The following DMD variants were observed in gnomAD, a reference collection of about 807,000 sequenced individuals.
The protein encoded by DMD is mutant dystrophin.
In DMD, 63 loss-of-function variants were observed where a neutral mutation model predicts 330.1. The observed-to-expected ratio is 0.19, with a 90% CI of 0.16 to 0.24. The LOEUF is 0.24. DMD is among the 10% of genes least tolerant of loss of function. The pLI, the probability that DMD is intolerant of heterozygous loss-of-function variation, is 1.00. For synonymous variants in DMD, 1,223 were observed against 959.8 expected (o/e 1.27, Z -5.07); for missense variants, 3,344 against 2,684.1 (o/e 1.25, Z -5.43).
chrX:32,425,101 T>A (rs916646595), intron 29 of DMD, among the ~76,000 whole-genome samples: 3 of 111,623 alleles, frequency 2.7e-5, no homozygotes, highest in Non-Finnish European at 5.7e-5. Flanking sequence ...TACTACTGAG[T>A]CCACGATATT....
At chrX:32,040,971 G>A (rs1008229076) in intron 44 of DMD, among the ~76,000 whole-genome samples, 1 of 111,255 alleles carries the variant, frequency 9.0e-6, no homozygotes, top group African/African-American at 3.3e-5. Flanking sequence ...AAGGCCATAC[G>A]TGCTTCATGA....
chrX:32,003,170 A>G (rs868040630), intron 44 of DMD, among the ~76,000 whole-genome samples: 2 of 112,067 alleles, frequency 1.8e-5, no homozygotes, highest in Non-Finnish European at 3.8e-5. Flanking sequence ...AGTTAAATTT[A>G]AGAAATGGAA....
rs748309027 is a variant in DMD, at chrX:31,729,689, G to A, written c.7602C>T (p.Ala2534=). The stretch of plus-strand genomic sequence containing the variant: ...TGCTGGTCTTGTTTTTCAAATTTTG[G>A]GCAGCGGTAATGAGTTCTTCCAACT... ...RPQLEELITA[A]QNLKNKTSNQ... is the part of the protein sequence containing the mutation. Residue 2534 remains alanine (A), a synonymous_variant, in exon 52 of 79, where the codon GCC becomes GCT. Transcript: ENST00000357033. The A allele has an allele frequency of 1.7e-5, 21 of 1,209,458 alleles. No individual in the cohort carries two copies. The highest frequency in any genetic ancestry group is 2.2e-5 in the Non-Finnish European group (20 of 895,121).
chrX:32,074,802 A>T (rs1304302507), intron 44 of DMD, among the ~76,000 whole-genome samples: 1 of 109,245 alleles, frequency 9.2e-6, no homozygotes, highest in Non-Finnish European at 1.9e-5. Context: ...TTGCAATCAG[A>T]TTCCAGATGG....
intron 49 of DMD, among the ~76,000 whole-genome samples, chrX:31,825,021 A>G (rs2149445089): frequency 8.9e-6 from 1 of 112,067 alleles, no homozygotes; most frequent in Admixed American, 9.5e-5. Context: ...GCCTCTGATT[A>G]GTCAGGAAAA....
intron 1 of DMD, among the ~76,000 whole-genome samples, chrX:33,086,853 G>T (rs1029567113): frequency 9.2e-6 from 1 of 108,512 alleles, no homozygotes; most frequent in Non-Finnish European, 1.9e-5. Flanking sequence ...AAAGGAAGGG[G>T]GTTTTGTTTG....
At chrX:32,149,689 T>C (rs150030138) in intron 44 of DMD, among the ~76,000 whole-genome samples, 73 of 111,902 alleles carry the variant, frequency 6.5e-4, no homozygotes, top group Middle Eastern at 4.7e-3. Flanking sequence ...TGGTCTTATA[T>C]TGGCCATCTA....
Position 31,939,419 on chromosome X carries a change from T to A in DMD, c.6615-7192A>T, listed in dbSNP as rs185620173. ...AAATGATTAGCAACTTTTGAGTAGA[T>A]GTGGAAAACGATGAGGGAAAAACCT... is the stretch of plus-strand genomic sequence containing the variant. On this transcript the variant is annotated intron_variant, in intron 45 of 78. Coordinates refer to ENST00000357033, the MANE Select transcript of DMD (RefSeq NM_004006.3). Among the ~76,000 whole-genome samples, 441 of 111,962 alleles carry A rather than the reference T, an allele frequency of 3.9e-3. 1 individual carries two copies. Among genetic ancestry groups the A allele is most frequent in the Non-Finnish European group, 6.0e-3 (318 of 53,135 alleles).
At chrX:32,769,418 C>A (rs2073361151) in intron 7 of DMD, among the ~76,000 whole-genome samples, 1 of 111,448 alleles carries the variant, frequency 9.0e-6, no homozygotes, top group African/African-American at 3.3e-5. Context: ...TGGGCCACTC[C>A]CAGAACACGT....
chrX:31,726,747 C>T (rs1027357672), intron 52 of DMD, among the ~76,000 whole-genome samples: 3 of 111,712 alleles, frequency 2.7e-5, no homozygotes, highest in Admixed American at 9.5e-5. Context: ...TTTAGAGGCT[C>T]CAGGCATATT....
At chrX:33,088,604 A>G (rs887551365) in intron 1 of DMD, among the ~76,000 whole-genome samples, 1 of 110,061 alleles carries the variant, frequency 9.1e-6, no homozygotes, top group Non-Finnish European at 1.9e-5. Context: ...AGAATGGTGT[A>G]AACCCGGGAG....
intron 49 of DMD, among the ~76,000 whole-genome samples, chrX:31,830,460 G>A (rs1815619327): frequency 9.0e-6 from 1 of 111,059 alleles, no homozygotes; most frequent in Admixed American, 9.5e-5. Flanking sequence ...TGGGCATGGT[G>A]GTGGGCGCCT....
intron 44 of DMD, among the ~76,000 whole-genome samples, chrX:32,204,873 T>C (rs1189042613): frequency 9.3e-6 from 1 of 107,633 alleles, no homozygotes; most frequent in Non-Finnish European, 1.9e-5. Flanking sequence ...GGATCATTCA[T>C]GAAGGATCCA....
chrX:33,192,919 C>T (rs2050733846), intron 1 of DMD, among the ~76,000 whole-genome samples: 2 of 112,041 alleles, frequency 1.8e-5, no homozygotes, highest in South Asian at 7.4e-4. Flanking sequence ...CACAGGTGTT[C>T]ACTCACACAG....
At chrX:32,422,402 T>C (rs1411874709) in intron 29 of DMD, among the ~76,000 whole-genome samples, 1 of 111,550 alleles carries the variant, frequency 9.0e-6, no homozygotes, top group Non-Finnish European at 1.9e-5. Context: ...ATTTTGGTGA[T>C]GAGCTGAAAT....
At chrX:31,470,838 A>G (rs1399656095) in intron 59 of DMD, among the ~76,000 whole-genome samples, 1 of 112,197 alleles carries the variant, frequency 8.9e-6, no homozygotes, top group Non-Finnish European at 1.9e-5. Flanking sequence ...TCTTTCAGAG[A>G]TGCCCTGCCC....
intron 2 of DMD, among the ~76,000 whole-genome samples, chrX:32,949,249 C>T (rs2091028332): frequency 3.6e-5 from 2 of 55,148 alleles, no homozygotes; most frequent in Non-Finnish European, 6.5e-5. Context: ...TAAATCGTTA[C>T]ATACACACAC....
chrX:32,596,043 A>C (rs757556183), intron 12 of DMD, among the ~76,000 whole-genome samples, 167 bp from the exon 13 acceptor site: 2 of 111,952 alleles, frequency 1.8e-5, no homozygotes, highest in Non-Finnish European at 3.8e-5. Flanking sequence ...CGCTCAGCAA[A>C]ATTTATATGT....
intron 11 of DMD, among the ~76,000 whole-genome samples, chrX:32,627,947 C>T (rs111517464): frequency 9.1e-6 from 1 of 110,056 alleles, no homozygotes; most frequent in African/African-American, 3.3e-5. Flanking sequence ...TTATGGGATA[C>T]AAGAGACATA....
Sources: gnomAD v4.1 joint callset for allele counts (sites outside exome capture counted in the v4.1 genomes callset) on GRCh38, gnomAD v4.1.1 for gene constraint, MANE v1.5 for transcripts, NCBI Gene and HGNC (gene_info 2026-07-23, HGNC 2026-07-21) for gene names.